The following MYO16 variants were observed in gnomAD, a reference collection of about 807,000 sequenced individuals.
The protein encoded by MYO16 is myosin XVI.
A neutral mutation model predicts 205.3 loss-of-function variants in MYO16; 94 were observed. The observed-to-expected ratio is 0.46, with a 90% CI of 0.39 to 0.54. The LOEUF (loss-of-function observed/expected upper bound fraction) is 0.54, where lower values mean the gene tolerates loss of function less well. Ranked by LOEUF, MYO16 falls within the 20% of genes least tolerant of loss-of-function variation. The pLI, the probability that MYO16 is intolerant of heterozygous loss-of-function variation, is 0.00. For synonymous variants in MYO16, 988 were observed against 954.0 expected, an observed-to-expected ratio of 1.04 and a Z score of -0.66; for missense variants, 2,315 against 2,387.5, an observed-to-expected ratio of 0.97 and a Z score of 0.63.
At chr13:109,088,650 C>T (rs1888518964) in intron 27 of MYO16, among the ~76,000 whole-genome samples, 1 of 152,220 alleles carries the variant, frequency 6.6e-6, no homozygotes, top group Admixed American at 6.5e-5. Context: ...TAAGACGGTG[C>T]TGCGGATGCG....
chr13:109,058,896 A>G (rs1887499641), intron 27 of MYO16, among the ~76,000 whole-genome samples: 1 of 152,130 alleles, frequency 6.6e-6, no homozygotes, highest in Non-Finnish European at 1.5e-5. Context: ...TGGAATTTCT[A>G]AATCCTTTGT....
intron 20 of MYO16, among the ~76,000 whole-genome samples, chr13:108,981,380 A>T (rs1334706240): frequency 6.6e-6 from 1 of 152,278 alleles, no homozygotes; most frequent in Non-Finnish European, 1.5e-5. Flanking sequence ...AATTTTTATT[A>T]GTCTGTGCAT....
In MYO16 at chr13:109,141,026, C is replaced by T. The variant is rs1380947259; in HGVS notation, c.4814C>T (p.Pro1605Leu). 8 of 1,328,234 alleles carry T rather than the reference C, an allele frequency of 6.0e-6. No homozygotes were observed. The highest frequency in any genetic ancestry group is 2.5e-5 in the South Asian group (1 of 40,402). 82.3% of individuals were successfully genotyped at this position (1,328,234 alleles called of 1,614,324 possible). The change falls in exon 32 of 35, where the codon CCC becomes CTC. Residue 1605 changes from proline to leucine, a missense_variant. By Grantham distance (98) the Pro-to-Leu change is moderately conservative. Coordinates refer to ENST00000457511, the MANE Select transcript of MYO16 (RefSeq NM_001198950.3). This position sits in a 1 kb window ranked among gnomAD's most constrained non-coding sequence, Gnocchi z 4.1. ...CCGCCCCCGCCCCCGCCCGGGCCGC[C>T]CCCCGCGCCCTACAGGCCCTGCGCG... ...PPPPPPPPGP[P>L]PAPYRPCAHL...
At position 109,162,321 on chromosome 13, in the gene MYO16, C is replaced by T. The variant is rs1382538148; in HGVS notation, c.5165-2580C>T. On this transcript the variant is annotated intron_variant, in intron 32 of 34. Coordinates refer to ENST00000457511, the MANE Select transcript of MYO16 (RefSeq NM_001198950.3). This position sits in a 1 kb window ranked among gnomAD's most constrained non-coding sequence, Gnocchi z 4.6. ...TGCCACCAGGTGTAAGAGGACTGTG[C>T]TCATTCAAAGCCTTGGGGAAGCCCT... Among the ~76,000 whole-genome samples the T allele has an allele frequency of 1.3e-5, 2 of 152,158 alleles. No homozygotes were observed. The highest frequency in any genetic ancestry group is 3.9e-4 in the East Asian group (2 of 5,194).
chr13:108,506,547 T>C, the MYO16 span, among the ~76,000 whole-genome samples: 2 of 151,780 alleles, frequency 1.3e-5, no homozygotes, highest in Non-Finnish European at 1.5e-5. Context: ...TTATTAGTTC[T>C]AACAGTTTGC....
rs1446004915 is a variant in MYO16, at chr13:109,056,631, A to AGGGTTGGAATATTACAT, written c.3335+1053_3335+1069dup. ...CCATTCAGTGCTTGTAATATTACAA[A>AGGGTTGGAATATTACAT]GGGTTGGAATATTACATGGGTTGGA... On this transcript the variant is annotated intron_variant, in intron 27 of 34. Coordinates refer to ENST00000457511, the MANE Select transcript of MYO16 (RefSeq NM_001198950.3). Among the ~76,000 whole-genome samples, 3 of 152,264 alleles carry AGGGTTGGAATATTACAT rather than the reference A, an allele frequency of 2.0e-5. No individual in the cohort carries two copies. The East Asian group carries it at 5.8e-4, about 29-fold the overall frequency.
Position 108,712,778 on chromosome 13 carries a change from A to G in MYO16, c.363+47A>G, listed in dbSNP as rs200681348. The G allele has an allele frequency of 1.2e-3, 1,808 of 1,490,888 alleles. 22 individuals are homozygous for G. The South Asian group carries it at 0.015, about 13-fold the overall frequency. The allele number at this position is 1,490,888 out of a possible 1,614,324, so 92.4% of individuals were successfully genotyped here. A position where few individuals can be genotyped will look rare whatever the true frequency, so the allele number is the denominator to read the frequency against. ...GCCAGTGCATGGGGACACCCGGGGG[A>G]GAGTACATTACAGGTTCAAACCCAG... On this transcript the variant is annotated intron_variant, in intron 3 of 34. Coordinates refer to ENST00000457511, the MANE Select transcript of MYO16 (RefSeq NM_001198950.3).
chr13:109,018,942 G>A (rs543670020), intron 22 of MYO16, among the ~76,000 whole-genome samples: 63 of 151,760 alleles, frequency 4.2e-4, no homozygotes, highest in African/African-American at 1.4e-3. Flanking sequence ...GTTCCTATTC[G>A]GCCATCTTGG....
intron 2 of MYO16, among the ~76,000 whole-genome samples, chr13:108,679,277 C>G (rs1201279195): frequency 6.6e-6 from 1 of 152,174 alleles, no homozygotes; most frequent in African/African-American, 2.4e-5. Flanking sequence ...TACATCAACC[C>G]AACCCTCTCA....
intron 2 of MYO16, among the ~76,000 whole-genome samples, chr13:108,690,842 C>T (rs1252210118): frequency 6.6e-6 from 1 of 152,124 alleles, no homozygotes; most frequent in African/African-American, 2.4e-5. Flanking sequence ...CATAGCCCCA[C>T]AAGACACATT....
intron 28 of MYO16, among the ~76,000 whole-genome samples, chr13:109,119,277 G>A (rs771947227): frequency 6.6e-6 from 1 of 152,330 alleles, no homozygotes; most frequent in Non-Finnish European, 1.5e-5. Flanking sequence ...AGGCTAGGGG[G>A]TGTTATCATT....
intron 23 of MYO16, among the ~76,000 whole-genome samples, chr13:109,037,868 C>G (rs1886764917): frequency 6.6e-6 from 1 of 152,144 alleles, no homozygotes; most frequent in Non-Finnish European, 1.5e-5. Flanking sequence ...TTGACAACAG[C>G]TTGATGCCTC....
chr13:108,546,967 A>G, the MYO16 span, among the ~76,000 whole-genome samples: 2 of 152,118 alleles, frequency 1.3e-5, no homozygotes, highest in African/African-American at 4.8e-5. Flanking sequence ...ATCAACTTGT[A>G]TCAGCTCTAA....
In MYO16 at chr13:109,113,423, G is replaced by A. The variant is rs193057267; in HGVS notation, c.3439-6947G>A. 3.3e-3 allele frequency among the ~76,000 whole-genome samples: 507 copies of A among 152,192 alleles called. 3 individuals carry two copies. Among genetic ancestry groups the A allele is most frequent in the African/African-American group, 0.012 (490 of 41,508 alleles). On this transcript the variant is annotated intron_variant, in intron 28 of 34. Transcript: ENST00000457511. ...AAAAAGTCTAATAAACCTTTCAAAG[G>A]CATTTGAACATCATCCTGAAAATCA...
chr13:108,676,819 A>G (rs1882232574), intron 2 of MYO16, among the ~76,000 whole-genome samples: 1 of 152,102 alleles, frequency 6.6e-6, no homozygotes. Context: ...TGCTGTGTCT[A>G]CTGTGTCTTT....
rs1232952893 is a variant in MYO16 at position 109,056,567 on chromosome 13, G to A, written c.3335+972G>A. On this transcript the variant is annotated intron_variant, in intron 27 of 34. Coordinates refer to ENST00000457511, the MANE Select transcript of MYO16 (RefSeq NM_001198950.3). The stretch of plus-strand genomic sequence containing the variant: ...TGCTATACACTCTAGCTTGATGAAT[G>A]TCCCAGTTTAGACAGGTAAATGCAT... 3.3e-5 allele frequency among the ~76,000 whole-genome samples: 5 copies of A among 152,084 alleles called. No homozygotes were observed. The East Asian group carries it at 9.6e-4, about 29-fold the overall frequency.
chr13:109,176,598 A>AAAAAAAAAAAAAAAAAAAAAAAAAAAAAC (rs1879197772), intron 33 of MYO16, among the ~76,000 whole-genome samples: 1 of 149,530 alleles, frequency 6.7e-6, no homozygotes, highest in Non-Finnish European at 1.5e-5. Context: ...AAAAAAAAAA[A>AAAAAAAAAAAAAAAAAAAAAAAAAAAAAC]AAAGACCTCC....
rs534941794 is a variant in MYO16, at chr13:108,702,854, T to C, written c.293-9807T>C. ...GTTTTTGTACACTCTTGAAATTTAG[T>C]TGACATTAATTTGAACTAAATTATT... is the stretch of plus-strand genomic sequence containing the variant. On this transcript the variant is annotated intron_variant, in intron 2 of 34. Transcript: ENST00000457511. 2.6e-5 allele frequency among the ~76,000 whole-genome samples: 4 copies of C among 152,172 alleles called. No homozygotes were observed. In the East Asian group the frequency reaches 7.7e-4, roughly 29 times the overall value.
intron 4 of MYO16, among the ~76,000 whole-genome samples, chr13:108,747,387 G>A (rs914016156): frequency 4.6e-5 from 7 of 152,202 alleles, no homozygotes; most frequent in East Asian, 1.9e-4. Flanking sequence ...ATATCATAGC[G>A]GGTACAGAGA....
Sources: allele counts gnomAD v4.1 joint callset (sites outside exome capture counted in the v4.1 genomes callset), GRCh38; gene constraint gnomAD v4.1.1; non-coding constraint Gnocchi (gnomAD v3.1); transcripts MANE v1.5; gene names NCBI Gene and HGNC (gene_info 2026-07-23, HGNC 2026-07-21).